FAM114A1: variants seen among roughly 807,000 people sequenced by gnomAD.
FAM114A1 encodes the protein protein NOXP20.
FAM114A1 carries 62 observed loss-of-function variants against 64.3 expected under a neutral mutation model. That is an observed-to-expected ratio of 0.96 (90% CI 0.79 to 1.19). The LOEUF (loss-of-function observed/expected upper bound fraction) is 1.19. Among genes scored for constraint, FAM114A1 ranks in the 50% most tolerant of loss-of-function variants. The pLI, the probability that FAM114A1 is intolerant of heterozygous loss-of-function variation, is 0.00. For missense variants in FAM114A1, 645 were observed against 676.3 expected, an observed-to-expected ratio of 0.95 and a Z score of 0.51; for synonymous variants, 254 against 251.1, an observed-to-expected ratio of 1.01 and a Z score of -0.11.
chr4:38,915,744 G>GGC (rs1718982038), intron 8 of FAM114A1, among the ~76,000 whole-genome samples: 1 of 139,116 alleles, frequency 7.2e-6, no homozygotes, highest in Admixed American at 7.2e-5. Flanking sequence ...CATCTATAGT[G>GGC]GTGTGTGTGT....
At chr4:38,943,205 A>C (rs1721707454) in intron 14 of FAM114A1, among the ~76,000 whole-genome samples, 1 of 152,000 alleles carries the variant, frequency 6.6e-6, no homozygotes, top group Non-Finnish European at 1.5e-5. Flanking sequence ...AAAAAAAAAA[A>C]AAAAAAATTC....
chr4:38,914,772 C>CA (rs1718874674), intron 7 of FAM114A1, 149 bp from the exon 8 acceptor site: 2 of 843,592 alleles, frequency 2.4e-6, no homozygotes, highest in Non-Finnish European at 3.5e-6. Flanking sequence ...TAGGATCAAT[C>CA]AAAAAAATCA....
rs534826825 is a variant in FAM114A1, at chr4:38,917,768, A to G, written c.945+2695A>G. On this transcript the variant is annotated intron_variant, in intron 8 of 14. Coordinates refer to ENST00000358869, the MANE Select transcript of FAM114A1 (RefSeq NM_138389.4). ...AAGAGCCCCCAAGGACTTAGTTTCT[A>G]GGAAGAAGGTTCGGCCTTTGGAGGG... Among the ~76,000 whole-genome samples, 3 of 152,342 alleles carry G rather than the reference A, an allele frequency of 2.0e-5. No homozygotes were observed. The East Asian group carries it at 5.8e-4, about 29-fold the overall frequency.
intron 10 of FAM114A1, 42 bp downstream of exon 10, chr4:38,929,375 A>T (rs745978479): frequency 5.1e-5 from 73 of 1,422,140 alleles, no homozygotes; most frequent in Non-Finnish European, 6.3e-5. Context: ...AAAAAAAAAC[A>T]GTGCAGGGGA....
intron 3 of FAM114A1, among the ~76,000 whole-genome samples, chr4:38,880,685 A>G (rs752193): frequency 0.28 from 42,068 of 152,010 alleles, 6,171 homozygotes; most frequent in African/African-American, 0.31. Flanking sequence ...TGTCTCATGT[A>G]GGGAGCTATG....
intron 13 of FAM114A1, among the ~76,000 whole-genome samples, chr4:38,939,537 T>C (rs1422514982): frequency 6.6e-6 from 1 of 152,214 alleles, no homozygotes; most frequent in Non-Finnish European, 1.5e-5. Context: ...AATACCATAA[T>C]GGATTTTCTG....
intron 8 of FAM114A1, among the ~76,000 whole-genome samples, 154 bp downstream of exon 8, chr4:38,915,227 G>A (rs554387612): frequency 3.3e-5 from 5 of 152,116 alleles, no homozygotes; most frequent in African/African-American, 4.8e-5. Context: ...GATGACCCTC[G>A]AGCTCCATAT....
chr4:38,923,550 T>C (rs565760334), intron 9 of FAM114A1, among the ~76,000 whole-genome samples: 6 of 152,196 alleles, frequency 3.9e-5, no homozygotes, highest in Non-Finnish European at 8.8e-5. Flanking sequence ...TTTATCTGCA[T>C]GTGAAAGTTA....
chr4:38,886,843 G>A (rs1358149598), intron 3 of FAM114A1, among the ~76,000 whole-genome samples: 1 of 150,880 alleles, frequency 6.6e-6, no homozygotes, highest in Non-Finnish European at 1.5e-5. Context: ...CAGGAGAATC[G>A]CTTGAGCCCA....
chr4:38,888,395 T>A (rs1465373248), intron 3 of FAM114A1, among the ~76,000 whole-genome samples: 2 of 152,100 alleles, frequency 1.3e-5, no homozygotes, highest in East Asian at 3.9e-4. Context: ...TGGTGGTGCA[T>A]GCCTGTAATC....
intron 7 of FAM114A1, 68 bp from the exon 8 acceptor site, chr4:38,914,853 C>A: frequency 1.3e-6 from 2 of 1,544,780 alleles, no homozygotes; most frequent in Non-Finnish European, 1.8e-6. Flanking sequence ...CAACCTCCCC[C>A]ATGTCTTACA....
At chr4:38,891,691 C>A in intron 3 of FAM114A1, 52 bp from the exon 4 acceptor site, 2 of 1,457,336 alleles carry the variant, frequency 1.4e-6, no homozygotes, top group South Asian at 1.3e-5. Context: ...GGTGTTTTTC[C>A]ATTCAGAGAT....
Position 38,891,768 on chromosome 4 carries a change from G to A in FAM114A1, c.374G>A (p.Gly125Glu). 1.2e-6 allele frequency: 2 copies of A among 1,612,136 alleles called. No homozygotes were observed. The highest frequency in any genetic ancestry group is 1.1e-5 in the South Asian group (1 of 90,744). Residue 125 changes from glycine (G) to glutamate (E), a missense_variant, in exon 4 of 15, where the codon GGA (glycine) becomes GAA (glutamate). By Grantham distance (98) the Gly-to-Glu change is moderately conservative (BLOSUM62 -2). Transcript: ENST00000358869. Reference protein sequence around the residue: ...YLAVDSPPSGGGWAGWGSWGK... With the variant: ...YLAVDSPPSGEGWAGWGSWGK... ...GCTGTGGATTCCCCTCCAAGTGGAG[G>A]AGGATGGGCAGGCTGGGGATCCTGG... is the stretch of plus-strand genomic sequence containing the variant.
intron 2 of FAM114A1, among the ~76,000 whole-genome samples, chr4:38,871,086 C>CTT (rs9306968): frequency 1.3e-3 from 126 of 93,696 alleles, no homozygotes; most frequent in Non-Finnish European, 1.7e-3. Context: ...TTTTTTCTTT[C>CTT]TTTTTTTTTT....
intron 14 of FAM114A1, among the ~76,000 whole-genome samples, chr4:38,942,865 C>G (rs111313642): frequency 0.016 from 2,407 of 147,556 alleles, 26 homozygotes; most frequent in East Asian, 0.052. Context: ...ATAGATAAGA[C>G]AGGACATACC....
intron 8 of FAM114A1, among the ~76,000 whole-genome samples, chr4:38,916,574 A>G (rs1400423046): frequency 6.6e-6 from 1 of 152,044 alleles, no homozygotes; most frequent in East Asian, 1.9e-4. Context: ...GAAAACCAAA[A>G]CTGCGTGTTC....
intron 4 of FAM114A1, among the ~76,000 whole-genome samples, chr4:38,895,707 A>G (rs1365171556): frequency 6.6e-6 from 1 of 152,204 alleles, no homozygotes; most frequent in East Asian, 1.9e-4. Flanking sequence ...TGATTTAATC[A>G]TTGTGCAAAC....
At chr4:38,886,890 T>C (rs1452594909) in intron 3 of FAM114A1, among the ~76,000 whole-genome samples, 2 of 141,948 alleles carry the variant, frequency 1.4e-5, no homozygotes, top group Non-Finnish European at 3.0e-5. Context: ...ATCACACCAC[T>C]GCACTCCAGC....
At chr4:38,938,133 A>C (rs1721266129) in intron 13 of FAM114A1, among the ~76,000 whole-genome samples, 1 of 152,176 alleles carries the variant, frequency 6.6e-6, no homozygotes, top group Non-Finnish European at 1.5e-5. Context: ...TTCCTGGGTA[A>C]AAAGGTTTGA....
Sources: gnomAD v4.1 joint callset for allele counts (sites outside exome capture counted in the v4.1 genomes callset) on GRCh38, gnomAD v4.1.1 for gene constraint, MANE v1.5 for transcripts, NCBI Gene and HGNC (gene_info 2026-07-23, HGNC 2026-07-21) for gene names.